TBC1D31: variants seen among roughly 807,000 people sequenced by gnomAD.
TBC1D31 encodes the protein TBC1 domain family member 31.
Under a neutral mutation model 132.9 loss-of-function variants are expected in TBC1D31, and 99 were observed. The observed-to-expected ratio is 0.74, with a 90% confidence interval of 0.63 to 0.88. The LOEUF (loss-of-function observed/expected upper bound fraction) is 0.88, where lower values mean the gene tolerates loss of function less well. Among genes scored for constraint, TBC1D31 ranks in the 40% least tolerant of loss-of-function variants. The pLI is 0.00. For missense variants in TBC1D31, 1,134 were observed against 1,256.6 expected (o/e 0.90, Z 1.48); for synonymous variants, 385 against 419.4 (o/e 0.92, Z 1.00).
chr8:123,131,698 A>G lies in TBC1D31; in HGVS notation c.2406+1365A>G, dbSNP rs891341623. 2.0e-5 allele frequency among the ~76,000 whole-genome samples: 3 copies of G among 152,208 alleles called. No homozygotes were observed. The South Asian group carries it at 6.2e-4, about 31-fold the overall frequency. On this transcript the variant is annotated intron_variant, in intron 16 of 21. Coordinates refer to ENST00000287380, the MANE Select transcript of TBC1D31 (RefSeq NM_145647.4). Reference sequence around the variant, plus strand: ...TGTAAAAGTCTTTGAGTACTTGCACACATACTTTTGTTGAGTAACTTCTAA... The same window carrying G: ...TGTAAAAGTCTTTGAGTACTTGCACGCATACTTTTGTTGAGTAACTTCTAA...
At chr8:123,126,822 A>C (rs1586689663) in intron 13 of TBC1D31, 135 bp downstream of exon 13, 6 of 662,016 alleles carry the variant, frequency 9.1e-6, no homozygotes, top group Non-Finnish European at 1.4e-5. Context: ...GCTCACTGCA[A>C]CCTCCGCCTC....
intron 5 of TBC1D31, among the ~76,000 whole-genome samples, chr8:123,094,200 G>T (rs1257988197): frequency 6.6e-6 from 1 of 151,986 alleles, no homozygotes; most frequent in Non-Finnish European, 1.5e-5. Flanking sequence ...GAGTAGCTGG[G>T]ATTATAGGCA....
chr8:123,092,085 G>T (rs1451899176), intron 4 of TBC1D31, among the ~76,000 whole-genome samples: 1 of 152,162 alleles, frequency 6.6e-6, no homozygotes, highest in South Asian at 2.1e-4. Flanking sequence ...CGCAATCTCA[G>T]CTCATTGCAA....
intron 12 of TBC1D31, 71 bp from the exon 13 acceptor site, chr8:123,126,437 G>A (rs1563732904): frequency 1.4e-6 from 2 of 1,385,966 alleles, no homozygotes; most frequent in Middle Eastern, 1.9e-4. Context: ...TCGAATGTAA[G>A]GGAATATTAC....
chr8:123,142,641 T>G (rs1353268381), intron 19 of TBC1D31, among the ~76,000 whole-genome samples, 185 bp downstream of exon 19: 1 of 152,130 alleles, frequency 6.6e-6, no homozygotes. Context: ...GCCTAAGCAC[T>G]GAAATTTTGA....
chr8:123,086,424 C>T (rs895983427), intron 4 of TBC1D31, among the ~76,000 whole-genome samples: 9 of 152,178 alleles, frequency 5.9e-5, no homozygotes, highest in East Asian at 1.9e-4. Flanking sequence ...GAAGCACTGG[C>T]GGCTGCAAGT....
chr8:123,133,369 C>A (rs1303261714), intron 16 of TBC1D31, among the ~76,000 whole-genome samples: 1 of 152,216 alleles, frequency 6.6e-6, no homozygotes, highest in Non-Finnish European at 1.5e-5. Context: ...TTCCCAATAA[C>A]CTCTTTAAAT....
intron 18 of TBC1D31, 90 bp from the exon 19 acceptor site, chr8:123,142,172 C>A: frequency 1.1e-6 from 1 of 942,322 alleles, no homozygotes. Context: ...GAACAACTGC[C>A]CCAGACACTT....
At chr8:123,130,623 C>CTT (rs774112527) in intron 16 of TBC1D31, among the ~76,000 whole-genome samples, 10 of 136,118 alleles carry the variant, frequency 7.3e-5, no homozygotes, top group Non-Finnish European at 8.0e-5. Context: ...CTTTTCTTTT[C>CTT]TTTTTTTTTT....
chr8:123,134,864 G>A (rs1820933132), intron 17 of TBC1D31, among the ~76,000 whole-genome samples: 1 of 152,168 alleles, frequency 6.6e-6, no homozygotes, highest in Non-Finnish European at 1.5e-5. Flanking sequence ...AGGTAAATCA[G>A]TCAGGAGCTG....
downstream of TBC1D31, among the ~76,000 whole-genome samples, chr8:123,152,425 C>T (rs1661114219): frequency 6.6e-6 from 1 of 152,160 alleles, no homozygotes; most frequent in South Asian, 2.1e-4. Flanking sequence ...TCATCTCTGC[C>T]CAGCTCCTTC....
chr8:123,092,541 A>T (rs1369533773), intron 4 of TBC1D31, among the ~76,000 whole-genome samples: 1 of 152,192 alleles, frequency 6.6e-6, no homozygotes, highest in Non-Finnish European at 1.5e-5. Flanking sequence ...TGTTGGTGAA[A>T]GTATAGGGAA....
intron 20 of TBC1D31, among the ~76,000 whole-genome samples, chr8:123,147,444 T>C (rs760518696): frequency 2.6e-5 from 4 of 152,126 alleles, no homozygotes; most frequent in Non-Finnish European, 4.4e-5. Context: ...AGTGCTGGGA[T>C]TACAGGCGTG....
At chr8:123,109,279 GATTGTGTCAT>G in intron 8 of TBC1D31, 28 bp from the exon 9 acceptor site, 1 of 1,440,658 alleles carries the variant, frequency 6.9e-7, no homozygotes, top group Non-Finnish European at 9.6e-7. Context: ...CAGTTTTAAT[GATTGTGTCAT>G]TTATTAATAT....
intron 20 of TBC1D31, among the ~76,000 whole-genome samples, chr8:123,147,558 T>G (rs1822340379): frequency 6.6e-6 from 1 of 152,204 alleles, no homozygotes. Flanking sequence ...GTGAAAAGCT[T>G]TCGTCATCGG....
At position 123,118,273 on chromosome 8, in the gene TBC1D31, T is replaced by C. The variant is rs534742342; in HGVS notation, c.1437-1782T>C. Among the ~76,000 whole-genome samples, 43 of 152,306 alleles carry C rather than the reference T, an allele frequency of 2.8e-4. No individual in the cohort carries two copies. The South Asian group carries it at 8.7e-3, about 31-fold the overall frequency. On this transcript the variant is annotated intron_variant, in intron 10 of 21. Transcript: ENST00000287380. ...TAATTTAGTGAATAGCATGTGCCAG[T>C]GTTAATTTCTTAGTACTGATCATTG...
At chr8:123,127,261 ATTTTTTT>A (rs35198781) in intron 13 of TBC1D31, among the ~76,000 whole-genome samples, 46 of 69,916 alleles carry the variant, frequency 6.6e-4, no homozygotes, top group African/African-American at 2.7e-3. Flanking sequence ...TGCTTTTTGC[ATTTTTTT>A]TTTTTTTTTT....
At chr8:123,079,052 C>A (rs187391391) in intron 2 of TBC1D31, among the ~76,000 whole-genome samples, 2 of 152,244 alleles carry the variant, frequency 1.3e-5, no homozygotes, top group East Asian at 3.9e-4. Flanking sequence ...TGAATCTAAT[C>A]AGTGGGATCA....
At chr8:123,137,895 T>C (rs923513254) in intron 17 of TBC1D31, among the ~76,000 whole-genome samples, 2 of 152,254 alleles carry the variant, frequency 1.3e-5, no homozygotes, top group Non-Finnish European at 2.9e-5. Context: ...TCAGGCCTAC[T>C]GAGTTAACCC....
Sources: gnomAD v4.1 joint callset for allele counts (sites outside exome capture counted in the v4.1 genomes callset) on GRCh38, gnomAD v4.1.1 for gene constraint, MANE v1.5 for transcripts, NCBI Gene and HGNC (gene_info 2026-07-23, HGNC 2026-07-21) for gene names.